MACROD2: variants seen among roughly 807,000 people sequenced by gnomAD.
MACROD2 encodes the protein mono-ADP ribosylhydrolase 2.
MACROD2 carries 36 observed loss-of-function variants against 70.4 expected under a neutral mutation model. That is an observed-to-expected ratio of 0.51 (90% CI 0.39 to 0.68). MACROD2 has a LOEUF of 0.68. Among genes scored for constraint, MACROD2 ranks in the 30% least tolerant of loss-of-function variants. The pLI is 0.00. For synonymous variants in MACROD2, 172 were observed against 178.8 expected (o/e 0.96, Z 0.30); for missense variants, 496 against 538.4 (o/e 0.92, Z 0.78).
chr20:16,008,423 A>G (rs1416401381), intron 15 of MACROD2, among the ~76,000 whole-genome samples: 1 of 152,244 alleles, frequency 6.6e-6, no homozygotes, highest in Non-Finnish European at 1.5e-5. Context: ...TATTTTTAAT[A>G]GAAATTGCTT....
At chr20:14,861,662 G>A (rs936928362) in intron 5 of MACROD2, among the ~76,000 whole-genome samples, 1 of 151,570 alleles carries the variant, frequency 6.6e-6, no homozygotes, top group Non-Finnish European at 1.5e-5. Flanking sequence ...AACAGCCTCT[G>A]TCCCTCCCAC....
intron 6 of MACROD2, among the ~76,000 whole-genome samples, chr20:15,348,299 GC>G (rs1391878699): frequency 6.6e-6 from 1 of 152,194 alleles, no homozygotes; most frequent in African/African-American, 2.4e-5. Flanking sequence ...CAGGAGCGCT[GC>G]CCCCTGCCTT....
At chr20:15,357,171 C>A (rs1156803179) in intron 6 of MACROD2, among the ~76,000 whole-genome samples, 1 of 152,112 alleles carries the variant, frequency 6.6e-6, no homozygotes, top group Non-Finnish European at 1.5e-5. Flanking sequence ...AGCCATGAGA[C>A]TTTGACTTCT....
intron 3 of MACROD2, among the ~76,000 whole-genome samples, chr20:14,287,416 C>G (rs1457362067): frequency 1.3e-5 from 2 of 149,212 alleles, no homozygotes; most frequent in African/African-American, 2.5e-5. Context: ...TGATGATGAT[C>G]ATGGTGATGA....
intron 3 of MACROD2, among the ~76,000 whole-genome samples, chr20:14,469,426 G>A (rs2084500533): frequency 6.6e-6 from 1 of 151,960 alleles, no homozygotes; most frequent in African/African-American, 2.4e-5. Context: ...TCTTCTCGGG[G>A]AGTATCTTTG....
intron 5 of MACROD2, among the ~76,000 whole-genome samples, chr20:15,095,974 A>G (rs1248549652): frequency 6.6e-6 from 1 of 152,202 alleles, no homozygotes; most frequent in Non-Finnish European, 1.5e-5. Context: ...ATTCACTAAA[A>G]GAATTTCTAA....
In MACROD2 at chr20:15,191,931, T is replaced by TATATAGAGAGAGAG. The variant is rs150210305; in HGVS notation, c.419-38008_419-38007insTATAGAGAGAGAGA. Among the ~76,000 whole-genome samples, 815 of 142,366 alleles carry TATATAGAGAGAGAG rather than the reference T, an allele frequency of 5.7e-3. 11 individuals carry two copies. The highest frequency in any genetic ancestry group is 0.02 in the African/African-American group (769 of 38,234). The allele number at this position is 142,366 out of a possible 152,430, so 93.4% of individuals were successfully genotyped here. Reference sequence around the variant, plus strand: ...ACACATATGTGTATATATATATATATAGAGAGAGAGAGAGTTAATACATAT... The same window carrying TATATAGAGAGAGAG: ...ACACATATGTGTATATATATATATATATATAGAGAGAGAGAGAGAGAGAGAGAGTTAATACATAT... On this transcript the variant is annotated intron_variant, in intron 5 of 17. Transcript: ENST00000684519.
chr20:15,963,541 A>G (rs6080055), intron 12 of MACROD2, among the ~76,000 whole-genome samples: 11,880 of 152,148 alleles, frequency 0.078, 586 homozygotes, highest in East Asian at 0.25. Flanking sequence ...TATTTCCTCA[A>G]ATCAAATCTA....
intron 3 of MACROD2, among the ~76,000 whole-genome samples, chr20:14,148,870 T>C (rs2054975833): frequency 6.6e-6 from 1 of 152,192 alleles, no homozygotes; most frequent in Non-Finnish European, 1.5e-5. Flanking sequence ...CCTTCCTAAG[T>C]AGTTAATAGG....
In MACROD2 at chr20:15,247,988, G is replaced by A. The variant is rs550067006; in HGVS notation, c.540+17927G>A. On this transcript the variant is annotated intron_variant, in intron 6 of 17. Transcript: ENST00000684519. ...GCTGGGATTACAGGCATGAGCCACC[G>A]CACCCAGCCAGACTTTTCTTTTTAA... 1.4e-3 allele frequency among the ~76,000 whole-genome samples: 211 copies of A among 152,268 alleles called. 1 individual carries two copies. The highest frequency in any genetic ancestry group is 2.9e-3 in the South Asian group (14 of 4,814).
intron 3 of MACROD2, among the ~76,000 whole-genome samples, chr20:14,160,783 T>A (rs1206197835): frequency 6.6e-6 from 1 of 152,144 alleles, no homozygotes; most frequent in Non-Finnish European, 1.5e-5. Flanking sequence ...CCTGCTTTTT[T>A]AGTTCCTTCA....
intron 7 of MACROD2, among the ~76,000 whole-genome samples, chr20:15,489,280 C>T (rs1330831439): frequency 6.6e-6 from 1 of 152,064 alleles, no homozygotes. Flanking sequence ...TTCCCTTTTC[C>T]CTTTTTATAT....
chr20:15,109,843 A>C (rs186115447), intron 5 of MACROD2, among the ~76,000 whole-genome samples: 95 of 152,266 alleles, frequency 6.2e-4, no homozygotes, highest in Admixed American at 1.2e-3. Flanking sequence ...AAATTCCAAA[A>C]AGAATTTAGC....
chr20:14,011,830 C>T (rs183910633), intron 2 of MACROD2, among the ~76,000 whole-genome samples: 53 of 152,026 alleles, frequency 3.5e-4, no homozygotes, highest in African/African-American at 1.3e-3. Flanking sequence ...CGCCTGGCCT[C>T]CCCTATGATT....
chr20:15,519,687 A>G (rs1378478284), intron 8 of MACROD2, among the ~76,000 whole-genome samples: 1 of 152,230 alleles, frequency 6.6e-6, no homozygotes, highest in East Asian at 1.9e-4. Context: ...TTACTCCTCA[A>G]ATGAGTAAAG....
At chr20:15,540,635 A>G (rs2047942469) in intron 8 of MACROD2, among the ~76,000 whole-genome samples, 1 of 152,248 alleles carries the variant, frequency 6.6e-6, no homozygotes. Context: ...AACAAAGTGC[A>G]CAAATTGAGC....
intron 5 of MACROD2, among the ~76,000 whole-genome samples, chr20:14,824,290 C>A (rs552514842): frequency 1.3e-5 from 2 of 152,164 alleles, no homozygotes; most frequent in Non-Finnish European, 2.9e-5. Flanking sequence ...CTGCAGAATT[C>A]TTGGGAGTTG....
intron 4 of MACROD2, among the ~76,000 whole-genome samples, chr20:14,658,708 G>C (rs1241044452): frequency 6.6e-6 from 1 of 152,306 alleles, no homozygotes; most frequent in Admixed American, 6.5e-5. Flanking sequence ...CCGCCTACCA[G>C]GTTCAAGCAA....
chr20:14,771,638 C>G (rs1451142477), intron 5 of MACROD2, among the ~76,000 whole-genome samples: 1 of 139,790 alleles, frequency 7.2e-6, no homozygotes, highest in Non-Finnish European at 1.5e-5. Context: ...AATATTTATC[C>G]AAAAATACAC....
Sources: allele counts gnomAD v4.1 joint callset (sites outside exome capture counted in the v4.1 genomes callset), GRCh38; gene constraint gnomAD v4.1.1; transcripts MANE v1.5; gene names NCBI Gene and HGNC (gene_info 2026-07-23, HGNC 2026-07-21).